The following TTN variants were observed in gnomAD, a reference collection of about 807,000 sequenced individuals.
The protein encoded by TTN is connectin.
A neutral mutation model predicts 3,223.0 loss-of-function variants in TTN; 1,525 were observed. The ratio of observed to expected loss-of-function variants is 0.47; its 90% CI spans 0.45 to 0.49. The LOEUF is 0.49. Among genes scored for constraint, TTN ranks in the 20% least tolerant of loss-of-function variants. The pLI is 0.00. For missense variants in TTN, 40,786 were observed against 43,424.0 expected, an observed-to-expected ratio of 0.94 and a Z score of 5.40; for synonymous variants, 14,094 against 15,161.0, an observed-to-expected ratio of 0.93 and a Z score of 5.17.
chr2:178,640,423 C>A, intron 221 of TTN, 118 bp downstream of exon 221: 1 of 928,540 alleles, frequency 1.1e-6, no homozygotes. Flanking sequence ...GAAAATTAAG[C>A]CATATGTGAT....
rs1553623044 is a variant in TTN at position 178,579,987 on chromosome 2, A to T, written c.67300T>A (p.Tyr22434Asn). The change falls in exon 318 of 363, where the codon TAT becomes AAT. Residue 22434 changes from tyrosine to asparagine, a missense_variant. Tyr to Asn is a moderately radical substitution (Grantham distance 143). Coordinates refer to ENST00000589042, the MANE Select transcript of TTN (RefSeq NM_001267550.2). ...YFFRVFAENE[Y>N]GIGDPGETRD... ...GTTTCACCGGGATCACCAATGCCAT[A>T]CTCATTTTCAGCAAACACTCGGAAG... is the stretch of plus-strand genomic sequence containing the variant. The T allele has an allele frequency of 1.2e-6, 2 of 1,613,144 alleles. No individual in the cohort carries two copies. Among genetic ancestry groups the T allele is most frequent in the Non-Finnish European group, 1.7e-6 (2 of 1,179,508 alleles).
chr2:178,571,452 A>G lies in TTN; in HGVS notation c.74680T>C (p.Tyr24894His). Residue 24894 changes from tyrosine (Y) to histidine (H), a missense_variant, in exon 326 of 363, where the codon TAC (tyrosine) becomes CAC (histidine). Tyr to His is a moderately conservative substitution (Grantham distance 83, BLOSUM62 2). Transcript: ENST00000589042. ...AAENRYGKST[Y>H]LNSEPTVAQY... ...GCTACAGTAGGCTCTGAATTGAGGT[A>G]GGTACTCTTCCCATATCTGTTTTCA... The G allele has an allele frequency of 1.2e-6, 2 of 1,613,444 alleles. No individual in the cohort carries two copies. The highest frequency in any genetic ancestry group is 1.7e-6 in the Non-Finnish European group (2 of 1,179,596).
At position 178,599,253 on chromosome 2, in the gene TTN, G is replaced by T; in HGVS notation, c.56540C>A (p.Pro18847His). The change falls in exon 290 of 363, where the codon CCC (proline) becomes CAC (histidine). Residue 18847 changes from proline (P) to histidine (H), a missense_variant. Transcript: ENST00000589042. ...ATATTCATGGCCTTCTAGCAATTTG[G>T]GAATCGTGTACGTGCACTCCTTAGG... ...SEPKECTYTI[P>H]KLLEGHEYVF... The T allele has an allele frequency of 6.4e-7, 1 of 1,561,240 alleles. No homozygotes were observed. The highest frequency in any genetic ancestry group is 1.3e-5 in the South Asian group (1 of 79,610).
In TTN at chr2:178,612,436, C is replaced by CT. The variant is rs746457931; in HGVS notation, c.50088dup (p.Gly16697ArgfsTer21). ...ACAGTGGTATCCACTGTTTGCCAGC[C>CT]TTTTCGCCTGACGTCTCTCTTTTCC... On this transcript the variant is annotated frameshift_variant, in exon 266 of 363. Transcript: ENST00000589042. LOFTEE classifies it high-confidence loss of function. The CT allele has an allele frequency of 6.2e-7, 1 of 1,612,544 alleles. No individual in the cohort carries two copies. The highest frequency in any genetic ancestry group is 1.1e-5 in the South Asian group (1 of 91,038).
chr2:178,735,796 T>C lies in TTN; in HGVS notation c.14650A>G (p.Ile4884Val). 1 of 1,613,778 alleles carries C rather than the reference T, an allele frequency of 6.2e-7. No individual in the cohort carries two copies. Among genetic ancestry groups the C allele is most frequent in the Non-Finnish European group, 8.5e-7 (1 of 1,179,802 alleles). ...GADICQAELI[I>V]IDKPHFIKEL... ...TTAATGAAATGTGGCTTATCAATGA[T>C]GATCAACTCTGCTTGGCAGATGTCT... Residue 4884 changes from isoleucine (I) to valine (V), a missense_variant, in exon 50 of 363, where the codon ATC (isoleucine) becomes GTC (valine). Physicochemically the swap from Ile to Val is conservative, Grantham distance 29 (BLOSUM62 3). Transcript: ENST00000589042.
At position 178,591,052 on chromosome 2, in the gene TTN, C is replaced by T. The variant is rs771598189; in HGVS notation, c.60673G>A (p.Gly20225Arg). Residue 20225 changes from glycine to arginine, a missense_variant, in exon 304 of 363, where the codon GGA (glycine) becomes AGA (arginine). Transcript: ENST00000589042. ...ATTTTCAGCTTTGTCTTACTGCTTC[C>T]GGAAGAGACAACACCCCACGTGTCT... ...RKDTWGVVSS[G>R]SSKTKLKIPH... The T allele has an allele frequency of 1.4e-5, 22 of 1,613,246 alleles. No homozygotes were observed. The East Asian group carries it at 2.0e-4, about 15-fold the overall frequency.
In TTN at chr2:178,571,743, C is replaced by A; in HGVS notation, c.74389G>T (p.Ala24797Ser). 6.2e-7 allele frequency: 1 copy of A among 1,613,402 alleles called. No individual in the cohort carries two copies. Among genetic ancestry groups the A allele is most frequent in the Non-Finnish European group, 8.5e-7 (1 of 1,179,532 alleles). The change falls in exon 326 of 363, where the codon GCT (alanine) becomes TCT (serine). Residue 24797 changes from alanine (A) to serine (S), a missense_variant. By Grantham distance (99) the Ala-to-Ser change is moderately conservative. Coordinates refer to ENST00000589042, the MANE Select transcript of TTN (RefSeq NM_001267550.2). ...VVKLTNSAGEAIETLNVIVLD... is the reference protein window; with the variant it reads ...VVKLTNSAGESIETLNVIVLD... ...ACGATAACATTAAGGGTTTCAATAGCTTCACCAGCTGAGTTAGTCAGTTTA... is the reference window on the plus strand; with the variant it reads ...ACGATAACATTAAGGGTTTCAATAGATTCACCAGCTGAGTTAGTCAGTTTA...
intron 47 of TTN, among the ~76,000 whole-genome samples, chr2:178,742,398 A>T (rs796090117): frequency 9.9e-5 from 15 of 152,266 alleles, no homozygotes; most frequent in African/African-American, 3.6e-4. Context: ...ACTGCCTCTA[A>T]AGTCATTATT....
At chr2:178,555,398 T>C in intron 330 of TTN, 1 of 431,858 alleles carries the variant, frequency 2.3e-6, no homozygotes, top group Non-Finnish European at 4.0e-6. Context: ...TAAAGTCCAT[T>C]AGTTGCTTTA....
chr2:178,693,848 T>C (rs1299787184), intron 118 of TTN, 74 bp downstream of exon 118: 1 of 1,362,072 alleles, frequency 7.3e-7, no homozygotes, highest in Non-Finnish European at 1.0e-6. Flanking sequence ...CGATCACAAA[T>C]TAGACAACAA....
intron 52 of TTN, 85 bp from the exon 53 acceptor site, chr2:178,733,977 A>C: frequency 7.6e-7 from 1 of 1,312,226 alleles, no homozygotes; most frequent in Non-Finnish European, 1.0e-6. Flanking sequence ...TTTCAAGATT[A>C]TATTTATCTT....
intron 46 of TTN, chr2:178,753,470 C>T (rs1386112949): frequency 1.6e-5 from 4 of 257,072 alleles, no homozygotes; most frequent in African/African-American, 2.2e-5. Flanking sequence ...ATCTACAAAC[C>T]GAAGGAATAT....
chr2:178,771,101 T>C, intron 34 of TTN, 110 bp downstream of exon 34: 1 of 1,529,560 alleles, frequency 6.5e-7, no homozygotes, highest in South Asian at 1.2e-5. Flanking sequence ...AGAATGACTT[T>C]ATGAAATGAA....
rs193212275 is a variant in TTN, at chr2:178,527,235, C to G, written c.107753G>C (p.Cys35918Ser). Residue 35918 changes from cysteine (C) to serine (S), a missense_variant, in exon 363 of 363, where the codon TGT (cysteine) becomes TCT (serine). Coordinates refer to ENST00000589042, the MANE Select transcript of TTN (RefSeq NM_001267550.2). Reference protein sequence around the residue: ...IDEGKVLTVACAFTGEPTPEV... With the variant: ...IDEGKVLTVASAFTGEPTPEV... ...TGGGGTAGGCTCACCCGTGAAAGCACAGGCTACTGTTAGAACTTTGCCTTC... is the reference window on the plus strand; with the variant it reads ...TGGGGTAGGCTCACCCGTGAAAGCAGAGGCTACTGTTAGAACTTTGCCTTC... The G allele has an allele frequency of 6.2e-7, 1 of 1,613,682 alleles. No individual in the cohort carries two copies. The highest frequency in any genetic ancestry group is 8.5e-7 in the Non-Finnish European group (1 of 1,179,798).
chr2:178,566,366 G>A lies in TTN; in HGVS notation c.79766C>T (p.Ala26589Val), dbSNP rs1397165202. ...GTVKPEDKLE[A>V]PELDLDSELR... Reference sequence around the variant, plus strand: ...TTCGGAGTCAAGGTCAAGTTCAGGTGCTTCAAGTTTATCTTCTGGTTTCAC... The same window carrying A: ...TTCGGAGTCAAGGTCAAGTTCAGGTACTTCAAGTTTATCTTCTGGTTTCAC... Residue 26589 changes from alanine to valine, a missense_variant, in exon 326 of 363, where the codon GCA becomes GTA. Physicochemically the swap from Ala to Val is moderately conservative, Grantham distance 64. Coordinates refer to ENST00000589042, the MANE Select transcript of TTN (RefSeq NM_001267550.2). 3 of 1,613,476 alleles carry A rather than the reference G, an allele frequency of 1.9e-6. No individual in the cohort carries two copies. The highest frequency in any genetic ancestry group is 1.1e-5 in the South Asian group (1 of 91,076).
At position 178,611,444 on chromosome 2, in the gene TTN, T is replaced by C; in HGVS notation, c.50785A>G (p.Arg16929Gly). 1 of 1,612,944 alleles carries C rather than the reference T, an allele frequency of 6.2e-7. No homozygotes were observed. The highest frequency in any genetic ancestry group is 8.5e-7 in the Non-Finnish European group (1 of 1,179,310). ...CTGACACCAATAGCATTGACTGCTC[T>C]CACTCTCAGGACATATTCTTTGTCA... The part of the protein sequence containing the change: ...VPDKEYVLRV[R>G]AVNAIGVSEP... The change falls in exon 269 of 363, where the codon AGA (arginine) becomes GGA (glycine). Residue 16929 changes from arginine (R) to glycine (G), a missense_variant. By Grantham distance (125) the Arg-to-Gly change is moderately radical. Coordinates refer to ENST00000589042, the MANE Select transcript of TTN (RefSeq NM_001267550.2).
intron 9 of TTN, 96 bp from the exon 10 acceptor site, chr2:178,792,293 T>A: frequency 1.6e-6 from 2 of 1,269,288 alleles, no homozygotes; most frequent in Non-Finnish European, 2.2e-6. Context: ...TTTGAAGATG[T>A]AAAATCCCTT....
chr2:178,574,988 A>T lies in TTN; in HGVS notation c.71144T>A (p.Val23715Asp), dbSNP rs759011433. Reference protein sequence around the residue: ...PLTARNIVGEVGDVITIQVHD... With the variant: ...PLTARNIVGEDGDVITIQVHD... ...GACTTGAATGGTGATGACATCACCAACCTCTCCTACAATGTTCCTTGCTGT... is the reference window on the plus strand; with the variant it reads ...GACTTGAATGGTGATGACATCACCATCCTCTCCTACAATGTTCCTTGCTGT... Residue 23715 changes from valine (V) to aspartate (D), a missense_variant, in exon 326 of 363, where the codon GTT becomes GAT. Transcript: ENST00000589042. The T allele has an allele frequency of 1.9e-6, 3 of 1,613,142 alleles. No individual in the cohort carries two copies. Among genetic ancestry groups the T allele is most frequent in the Non-Finnish European group, 2.5e-6 (3 of 1,179,506 alleles).
At position 178,640,568 on chromosome 2, in the gene TTN, C is replaced by T. The variant is rs867892254; in HGVS notation, c.40696G>A (p.Glu13566Lys). ...TTTGTTGGTTCAGGAATCTTCCTTT[C>T]CCTTTTTGTAACAGTAGGTACTTCA... The part of the protein sequence containing the change: ...EVEVPTVTKR[E>K]RKIPEPTKVP... Residue 13566 changes from glutamate to lysine, a missense_variant, in exon 221 of 363, where the codon GAA (glutamate) becomes AAA (lysine). Glu to Lys is a moderately conservative substitution (Grantham distance 56). Transcript: ENST00000589042. 1 of 1,601,650 alleles carries T rather than the reference C, an allele frequency of 6.2e-7. No homozygotes were observed. The highest frequency in any genetic ancestry group is 8.5e-7 in the Non-Finnish European group (1 of 1,175,370).
Sources: gnomAD v4.1 joint callset for allele counts (sites outside exome capture counted in the v4.1 genomes callset) on GRCh38, gnomAD v4.1.1 for gene constraint, MANE v1.5 for transcripts, NCBI Gene and HGNC (gene_info 2026-07-23, HGNC 2026-07-21) for gene names.